Variants in RAVER2 observed in about 807,000 individuals in gnomAD.
The protein encoded by RAVER2 is ribonucleoprotein, PTB binding 2, also known as ribonucleoprotein PTB-binding 2.
Under a neutral mutation model 78.1 loss-of-function variants are expected in RAVER2, and 46 were observed. The observed-to-expected ratio is 0.59, with a 90% confidence interval of 0.46 to 0.75. The LOEUF is 0.75. Among genes scored for constraint, RAVER2 ranks in the 30% least tolerant of loss-of-function variants. The probability of loss-of-function intolerance (pLI) is 0.00; values close to 1 mark genes in which losing one functional copy is unlikely to be tolerated. For missense variants in RAVER2, 793 were observed against 837.5 expected (o/e 0.95, Z 0.66); for synonymous variants, 311 against 313.3 (o/e 0.99, Z 0.08).
chr1:64,783,975 T>G (rs1309041193), intron 4 of RAVER2, among the ~76,000 whole-genome samples: 2 of 152,242 alleles, frequency 1.3e-5, no homozygotes, highest in Non-Finnish European at 2.9e-5. Context: ...GCAATGTAGT[T>G]TCTCCTCCAC....
At chr1:64,813,828 GACACACACACACAC>G (rs10566575) in intron 10 of RAVER2, among the ~76,000 whole-genome samples, 319 of 145,996 alleles carry the variant, frequency 2.2e-3, no homozygotes, top group East Asian at 5.2e-3. Flanking sequence ...TTAGAGACTA[GACACACACACACAC>G]ACACACACAC....
intron 5 of RAVER2, among the ~76,000 whole-genome samples, chr1:64,790,314 G>A (rs1481824997): frequency 6.6e-6 from 1 of 152,096 alleles, no homozygotes; most frequent in Non-Finnish European, 1.5e-5. Context: ...TCCTGCCTTG[G>A]CTATGAATTA....
chr1:64,777,692 G>A, exon 3 of RAVER2: 1 of 1,613,962 alleles, frequency 6.2e-7, no homozygotes, highest in Non-Finnish European at 8.5e-7. Flanking sequence ...TATTCTTTTA[G>A]AGGAAAAGAC....
At chr1:64,766,499 C>T (rs574769663) in intron 1 of RAVER2, among the ~76,000 whole-genome samples, 17 of 151,958 alleles carry the variant, frequency 1.1e-4, no homozygotes, top group South Asian at 8.3e-4. Context: ...TGTAAGGTTT[C>T]GCAGTTGGCA....
chr1:64,763,105 C>A (rs376150529), intron 1 of RAVER2, among the ~76,000 whole-genome samples: 1 of 151,796 alleles, frequency 6.6e-6, no homozygotes, highest in Non-Finnish European at 1.5e-5. Flanking sequence ...GTCAGGCGAT[C>A]GAGACCATCC....
chr1:64,787,101 C>T (rs991583988), intron 4 of RAVER2, among the ~76,000 whole-genome samples: 1 of 152,144 alleles, frequency 6.6e-6, no homozygotes, highest in African/African-American at 2.4e-5. Flanking sequence ...ACTGCTTGTC[C>T]TTCATGTTAT....
chr1:64,804,901 G>A (rs1446714474), intron 7 of RAVER2, 63 bp downstream of exon 7: 6 of 1,507,036 alleles, frequency 4.0e-6, no homozygotes, highest in African/African-American at 1.4e-5. Flanking sequence ...TCAGGCTGTG[G>A]ATCAGGTTGT....
intron 5 of RAVER2, among the ~76,000 whole-genome samples, chr1:64,791,824 C>T (rs146540063): frequency 1.3e-5 from 2 of 152,124 alleles, no homozygotes; most frequent in African/African-American, 4.8e-5. Flanking sequence ...TCTGGTTCCA[C>T]CTCTGAAGAA....
intron 9 of RAVER2, 134 bp downstream of exon 9, chr1:64,807,608 G>T: frequency 9.9e-7 from 1 of 1,008,642 alleles, no homozygotes; most frequent in South Asian, 2.8e-5. Flanking sequence ...TTTCAAAATT[G>T]AAGAAAACAT....
chr1:64,830,746 C>G, intron 11 of RAVER2, 93 bp from the exon 12 acceptor site: 1 of 1,195,186 alleles, frequency 8.4e-7, no homozygotes, highest in Non-Finnish European at 1.2e-6. Context: ...TCTATATTCA[C>G]CAAGTCAAAG....
intron 3 of RAVER2, among the ~76,000 whole-genome samples, chr1:64,780,375 G>A (rs1056996459): frequency 3.9e-5 from 6 of 152,170 alleles, no homozygotes; most frequent in East Asian, 1.9e-4. Context: ...TGGAGGAAAA[G>A]ATATTTGTTG....
chr1:64,745,822 A>G lies in RAVER2; in HGVS notation c.249+401A>G, dbSNP rs1330624913. 6.6e-6 allele frequency among the ~76,000 whole-genome samples: 1 copy of G among 151,886 alleles called. No individual in the cohort carries two copies. The highest frequency in any genetic ancestry group is 1.5e-5 in the Non-Finnish European group (1 of 67,966). On this transcript the variant is annotated intron_variant, in intron 1 of 11. Transcript: ENST00000294428. The surrounding 1 kb of genome is among the most constrained non-coding windows in gnomAD (Gnocchi z 4.3). ...GCCGAAGCTTCGGGAGCACCTTGGCAGGGGCGAGGGCTCCAACGTATAGTC... is the reference window on the plus strand; with the variant it reads ...GCCGAAGCTTCGGGAGCACCTTGGCGGGGGCGAGGGCTCCAACGTATAGTC...
intron 4 of RAVER2, among the ~76,000 whole-genome samples, chr1:64,784,538 T>C (rs905818628): frequency 6.6e-6 from 1 of 152,178 alleles, no homozygotes; most frequent in African/African-American, 2.4e-5. Flanking sequence ...ATTTTCTTCC[T>C]GTTATATATG....
Position 64,776,019 on chromosome 1 carries a change from CA to C in RAVER2, c.317-1586del, listed in dbSNP as rs34578439. On this transcript the variant is annotated intron_variant, in intron 2 of 11. Transcript: ENST00000294428. ...GGGCAACAGAGTCAGACTCTTGTCT[CA>C]AAAAAAAAAAAAAAAAAGGAAAGAA... 4.8e-3 allele frequency among the ~76,000 whole-genome samples: 420 copies of C among 87,458 alleles called. 3 individuals are homozygous for C. Among genetic ancestry groups the C allele is most frequent in the African/African-American group, 9.8e-3 (245 of 25,102 alleles). 57.4% of individuals were successfully genotyped at this position (87,458 alleles called of 152,430 possible). A position where few individuals can be genotyped will look rare whatever the true frequency, so the allele number is the denominator to read the frequency against.
chr1:64,747,126 A>G (rs760037151), intron 1 of RAVER2, among the ~76,000 whole-genome samples: 2 of 152,236 alleles, frequency 1.3e-5, no homozygotes, highest in South Asian at 4.1e-4. Flanking sequence ...TAAAAGGAGC[A>G]GTTTTAATTA....
At chr1:64,781,634 C>A in intron 4 of RAVER2, 63 bp downstream of exon 4, 1 of 1,446,468 alleles carries the variant, frequency 6.9e-7, no homozygotes, top group South Asian at 1.5e-5. Context: ...CTATTTTAAT[C>A]TATCCAGTCT....
At chr1:64,828,463 TGTTGTG>T (rs931872758) in intron 11 of RAVER2, among the ~76,000 whole-genome samples, 2 of 152,182 alleles carry the variant, frequency 1.3e-5, no homozygotes, top group Admixed American at 6.5e-5. Flanking sequence ...TTTTGTGTTT[TGTTGTG>T]GTTGTGGTTG....
chr1:64,829,011 T>C (rs1175104750), intron 11 of RAVER2, among the ~76,000 whole-genome samples: 1 of 152,222 alleles, frequency 6.6e-6, no homozygotes, highest in East Asian at 1.9e-4. Flanking sequence ...CCACTTTCAT[T>C]TCCTGTTCTA....
At chr1:64,810,128 G>C (rs1281085695) in intron 9 of RAVER2, among the ~76,000 whole-genome samples, 11 of 152,128 alleles carry the variant, frequency 7.2e-5, no homozygotes, top group Admixed American at 7.2e-4. Context: ...CATAATGCAT[G>C]TTTAATTTTT....
Sources: allele counts gnomAD v4.1 joint callset (sites outside exome capture counted in the v4.1 genomes callset), GRCh38; gene constraint gnomAD v4.1.1; non-coding constraint Gnocchi (gnomAD v3.1); transcripts MANE v1.5; gene names NCBI Gene and HGNC (gene_info 2026-07-23, HGNC 2026-07-21).